Variants in KLHL15 observed in about 807,000 individuals in gnomAD.
KLHL15 encodes the protein kelch-like protein 15.
KLHL15 carries 1 observed loss-of-function variant against 29.3 expected under a neutral mutation model. That is an observed-to-expected ratio of 0.03 (90% CI 0.01 to 0.16). The LOEUF is 0.16. KLHL15 is among the 10% of genes least tolerant of loss of function. The pLI is 1.00. For synonymous variants in KLHL15, 212 were observed against 184.5 expected, an observed-to-expected ratio of 1.15 and a Z score of -1.21; for missense variants, 215 against 478.5, an observed-to-expected ratio of 0.45 and a Z score of 5.14.
chrX:24,001,899 C>A (rs1271608780), intron 3 of KLHL15, among the ~76,000 whole-genome samples: 3 of 106,779 alleles, frequency 2.8e-5, no homozygotes, highest in Non-Finnish European at 5.8e-5. Flanking sequence ...TTTGGGAGGC[C>A]AAGGCGGGTG....
chrX:23,994,141 A>G (rs904074392), intron 3 of KLHL15, among the ~76,000 whole-genome samples: 3 of 111,626 alleles, frequency 2.7e-5, no homozygotes, highest in Admixed American at 9.6e-5. Context: ...TATTATCACT[A>G]TACTATTAAA....
chrX:24,011,368 C>T (rs768514137), intron 2 of KLHL15, among the ~76,000 whole-genome samples: 3 of 106,913 alleles, frequency 2.8e-5, no homozygotes, highest in East Asian at 5.9e-4. Context: ...AAGGGCCAGG[C>T]GCCGTGGCTC....
intron 2 of KLHL15, among the ~76,000 whole-genome samples, chrX:24,020,677 T>C (rs997068991): frequency 1.8e-5 from 2 of 111,767 alleles, no homozygotes; most frequent in Non-Finnish European, 3.8e-5. Flanking sequence ...ACACTATGAC[T>C]AGAAGTAGTC....
intron 2 of KLHL15, among the ~76,000 whole-genome samples, chrX:24,017,211 CAAA>C (rs781366129): frequency 7.0e-5 from 3 of 43,076 alleles, no homozygotes; most frequent in Non-Finnish European, 5.2e-5. Context: ...GAGCCTGTCT[CAAA>C]AAAAAAAAAA....
intron 2 of KLHL15, among the ~76,000 whole-genome samples, chrX:24,018,187 C>T (rs1248752837): frequency 2.7e-5 from 3 of 111,620 alleles, no homozygotes; most frequent in African/African-American, 6.5e-5. Flanking sequence ...CAGAGACAGC[C>T]GCGGCAGCAG....
intron 2 of KLHL15, 48 bp from the exon 3 acceptor site, chrX:24,006,748 GAAGAA>G (rs1929452012): frequency 1.1e-6 from 1 of 946,999 alleles, no homozygotes; most frequent in South Asian, 2.5e-5. Flanking sequence ...CATGCATTCA[GAAGAA>G]AATATTAACT....
intron 2 of KLHL15, among the ~76,000 whole-genome samples, chrX:24,024,394 A>G (rs749527851): frequency 1.8e-4 from 20 of 112,161 alleles, no homozygotes; most frequent in African/African-American, 6.1e-4. Context: ...CACATATATG[A>G]CCTCATATAG....
chrX:24,025,111 G>A (rs1436637578), intron 1 of KLHL15, 53 bp from the exon 2 acceptor site: 4 of 294,701 alleles, frequency 1.4e-5, no homozygotes, highest in African/African-American at 1.1e-4. Flanking sequence ...GGCTCCGCAC[G>A]AGGCGGCGCG....
At position 24,025,077 on chromosome X, in the gene KLHL15, C is replaced by T. The variant is rs1161896695; in HGVS notation, c.-209-19G>A. 1.0e-5 allele frequency: 3 copies of T among 296,161 alleles called. No individual in the cohort carries two copies. The allele number at this position is 296,161 out of a possible 1,213,427, so 24.4% of individuals were successfully genotyped here. A position where few individuals can be genotyped will look rare whatever the true frequency, so the allele number is the denominator to read the frequency against. On this transcript the variant is annotated intron_variant, in intron 1 of 3. Coordinates refer to ENST00000328046, the MANE Select transcript of KLHL15 (RefSeq NM_030624.3). ...ATAAGTCCTGGGAAAGAAGACAGCG[C>T]TGAGTCGAGAAACCAGACAGTCGGG...
intron 3 of KLHL15, among the ~76,000 whole-genome samples, chrX:23,998,349 T>C (rs993289926): frequency 9.1e-6 from 1 of 110,241 alleles, no homozygotes; most frequent in African/African-American, 3.3e-5. Context: ...CTCCACCTCC[T>C]GGGTTCATGC....
At chrX:24,013,653 G>A (rs1222711606) in intron 2 of KLHL15, among the ~76,000 whole-genome samples, 1 of 111,289 alleles carries the variant, frequency 9.0e-6, no homozygotes, top group Non-Finnish European at 1.9e-5. Context: ...CTCGTACAGT[G>A]TAGTGTTTGA....
chrX:24,001,930 G>C (rs1474810016), intron 3 of KLHL15, among the ~76,000 whole-genome samples: 1 of 107,259 alleles, frequency 9.3e-6, no homozygotes, highest in Non-Finnish European at 1.9e-5. Context: ...TCAGGAGATC[G>C]AGACCATCCT....
At chrX:23,999,664 C>T (rs1461329964) in intron 3 of KLHL15, among the ~76,000 whole-genome samples, 1 of 104,684 alleles carries the variant, frequency 9.6e-6, no homozygotes, top group Non-Finnish European at 2.0e-5. Flanking sequence ...TCAATAGGTT[C>T]CTGTCTGTCT....
At chrX:24,020,588 C>T (rs750028335) in intron 2 of KLHL15, among the ~76,000 whole-genome samples, 27 of 110,946 alleles carry the variant, frequency 2.4e-4, no homozygotes, top group Non-Finnish European at 2.6e-4. Flanking sequence ...ATACAAGAAG[C>T]CTTATAAGAA....
At chrX:24,016,830 C>T (rs1929696548) in intron 2 of KLHL15, among the ~76,000 whole-genome samples, 1 of 110,947 alleles carries the variant, frequency 9.0e-6, no homozygotes, top group Admixed American at 9.7e-5. Flanking sequence ...ACTACTACAG[C>T]CAAAATAGTA....
chrX:24,018,824 A>C (rs1439411418), intron 2 of KLHL15, among the ~76,000 whole-genome samples: 1 of 111,237 alleles, frequency 9.0e-6, no homozygotes, highest in East Asian at 2.8e-4. Flanking sequence ...CAATATGGTG[A>C]AACCCTATCT....
chrX:23,988,623 T>C lies in KLHL15; in HGVS notation c.1113A>G (p.Glu371=), dbSNP rs1929025012. Residue 371 remains glutamate (E), a synonymous_variant, in exon 4 of 4, where the codon GAA becomes GAG. Coordinates refer to ENST00000328046, the MANE Select transcript of KLHL15 (RefSeq NM_030624.3). ...QMADMSVPRS[E]FAVGVIGKFI... Reference sequence around the variant, plus strand: ...ACTTCCCAATAACACCTACAGCAAATTCAGAGCGTGGTACAGACATATCTG... The same window carrying C: ...ACTTCCCAATAACACCTACAGCAAACTCAGAGCGTGGTACAGACATATCTG... 1 of 1,211,382 alleles carries C rather than the reference T, an allele frequency of 8.3e-7. No individual in the cohort carries two copies. Among genetic ancestry groups the C allele is most frequent in the Admixed American group, 2.2e-5 (1 of 45,960 alleles).
At chrX:24,012,842 C>T (rs1380823732) in intron 2 of KLHL15, among the ~76,000 whole-genome samples, 1 of 111,330 alleles carries the variant, frequency 9.0e-6, no homozygotes, top group African/African-American at 3.3e-5. Flanking sequence ...CCTTTAAGTC[C>T]TATTGATTCT....
In KLHL15 at chrX:23,988,859, T is replaced by C. The variant is rs761155111; in HGVS notation, c.877A>G (p.Met293Val). 8.3e-7 allele frequency: 1 copy of C among 1,212,045 alleles called. No homozygotes were observed. The highest frequency in any genetic ancestry group is 1.8e-5 in the South Asian group (1 of 57,003). ...AAGAGAAGTATTTTACTGTTAACCA[T>C]GCTATGTCCAATCATTCCTCGAAAT... is the stretch of plus-strand genomic sequence containing the variant. Reference protein sequence around the residue: ...TVFRGMIGHSMVNSKILLLKK... With the variant: ...TVFRGMIGHSVVNSKILLLKK... The change falls in exon 4 of 4, where the codon ATG becomes GTG. Residue 293 changes from methionine (M) to valine (V), a missense_variant. By Grantham distance (21) the Met-to-Val change is conservative. Transcript: ENST00000328046.
Sources: gnomAD v4.1 joint callset for allele counts (sites outside exome capture counted in the v4.1 genomes callset) on GRCh38, gnomAD v4.1.1 for gene constraint, MANE v1.5 for transcripts, NCBI Gene and HGNC (gene_info 2026-07-23, HGNC 2026-07-21) for gene names.